WDTC1: variants seen among roughly 807,000 people sequenced by gnomAD.
WDTC1 encodes the protein WD and tetratricopeptide repeats 1.
WDTC1 carries 12 observed loss-of-function variants against 76.0 expected under a neutral mutation model. That is an observed-to-expected ratio of 0.16 (90% CI 0.10 to 0.26). WDTC1 has a LOEUF of 0.26. Among genes scored for constraint, WDTC1 ranks in the 10% least tolerant of loss-of-function variants. The pLI is 1.00. For synonymous variants in WDTC1, 326 were observed against 350.8 expected, an observed-to-expected ratio of 0.93 and a Z score of 0.79; for missense variants, 511 against 908.8, an observed-to-expected ratio of 0.56 and a Z score of 5.63.
chr1:27,279,921 A>G (rs770052953), intron 3 of WDTC1, among the ~76,000 whole-genome samples: 7 of 152,172 alleles, frequency 4.6e-5, no homozygotes, highest in Non-Finnish European at 8.8e-5. Context: ...TTTGGATTTT[A>G]TTTCTGATTC....
intron 1 of WDTC1, among the ~76,000 whole-genome samples, chr1:27,249,826 G>A (rs767610863): frequency 1.3e-5 from 2 of 151,982 alleles, no homozygotes; most frequent in African/African-American, 2.4e-5. Flanking sequence ...ATTCTCCCTC[G>A]GCCTCCCAAA....
chr1:27,248,529 A>G (rs973754748), intron 1 of WDTC1, among the ~76,000 whole-genome samples: 1 of 152,008 alleles, frequency 6.6e-6, no homozygotes, highest in African/African-American at 2.4e-5. Context: ...TAAGTTCCTT[A>G]TAGATGCTGG....
At chr1:27,297,263 C>A in intron 11 of WDTC1, 107 bp downstream of exon 11, 2 of 1,026,806 alleles carry the variant, frequency 1.9e-6, no homozygotes, top group Non-Finnish European at 2.8e-6. Flanking sequence ...CCCACTCATG[C>A]ATCCCAGAGA....
At chr1:27,286,622 C>T (rs1353438602) in intron 5 of WDTC1, among the ~76,000 whole-genome samples, 9 of 151,038 alleles carry the variant, frequency 6.0e-5, no homozygotes, top group African/African-American at 1.2e-4. Context: ...GGCGCACGCC[C>T]GGCTAATTTT....
In WDTC1 at chr1:27,305,779, T is replaced by C. The variant is rs1049643098; in HGVS notation, c.1837-407T>C. Reference sequence around the variant, plus strand: ...GTGACTTTTAAAGAGAGGACCCCTATAGGCTTCCCCATTGAGAGGAGAGGA... The same window carrying C: ...GTGACTTTTAAAGAGAGGACCCCTACAGGCTTCCCCATTGAGAGGAGAGGA... On this transcript the variant is annotated intron_variant, in intron 15 of 15. Transcript: ENST00000319394. This position sits in a 1 kb window ranked among gnomAD's most constrained non-coding sequence, Gnocchi z 4.6. Among the ~76,000 whole-genome samples the C allele has an allele frequency of 6.6e-6, 1 of 152,068 alleles. No homozygotes were observed. The highest frequency in any genetic ancestry group is 2.4e-5 in the African/African-American group (1 of 41,382).
At chr1:27,286,397 C>T (rs1460958780) in intron 5 of WDTC1, among the ~76,000 whole-genome samples, 2 of 151,016 alleles carry the variant, frequency 1.3e-5, no homozygotes, top group Non-Finnish European at 2.9e-5. Flanking sequence ...GAGCTGTTTC[C>T]AATATTTGCT....
intron 1 of WDTC1, among the ~76,000 whole-genome samples, chr1:27,240,980 A>AAAC (rs1280816559): frequency 1.3e-5 from 2 of 151,420 alleles, no homozygotes; most frequent in African/African-American, 4.8e-5. Context: ...CTCAAAAAAA[A>AAAC]AAAACAAAAA....
chr1:27,267,248 T>TC (rs1491196897), intron 3 of WDTC1, among the ~76,000 whole-genome samples: 1 of 151,732 alleles, frequency 6.6e-6, no homozygotes, highest in African/African-American at 2.4e-5. Flanking sequence ...TGGATTACTT[T>TC]CTTTTTTTTT....
At position 27,292,439 on chromosome 1, in the gene WDTC1, C is replaced by T. The variant is rs139409891; in HGVS notation, c.662+42C>T. 119 of 1,481,632 alleles carry T rather than the reference C, an allele frequency of 8.0e-5. No individual in the cohort carries two copies. The East Asian group carries it at 2.8e-3, about 35-fold the overall frequency. The allele number at this position is 1,481,632 out of a possible 1,614,324, so 91.8% of individuals were successfully genotyped here. On this transcript the variant is annotated intron_variant, in intron 7 of 15. Coordinates refer to ENST00000319394, the MANE Select transcript of WDTC1 (RefSeq NM_001276252.2). Reference sequence around the variant, plus strand: ...CTCCTGTCTCCTGTGAGTAAGTCCCCAGAGAACCTACTGCCCCTTTCCCTC... The same window carrying T: ...CTCCTGTCTCCTGTGAGTAAGTCCCTAGAGAACCTACTGCCCCTTTCCCTC...
At chr1:27,289,703 C>T (rs575669478) in intron 6 of WDTC1, among the ~76,000 whole-genome samples, 5,723 of 152,270 alleles carry the variant, frequency 0.038, 144 homozygotes, top group Middle Eastern at 0.1. Flanking sequence ...CCATTGAGCA[C>T]TGAGTGAACG....
chr1:27,299,123 G>T (rs1342773770), intron 12 of WDTC1, among the ~76,000 whole-genome samples: 1 of 152,090 alleles, frequency 6.6e-6, no homozygotes, highest in African/African-American at 2.4e-5. Flanking sequence ...CATCCAGGCT[G>T]TAGGCTAAGA....
At chr1:27,254,603 A>C (rs1366223838) in intron 1 of WDTC1, among the ~76,000 whole-genome samples, 1 of 152,068 alleles carries the variant, frequency 6.6e-6, no homozygotes, top group African/African-American at 2.4e-5. Flanking sequence ...TCAAAAAAAA[A>C]AGAATGCTAA....
rs192320933 is a variant in WDTC1, at chr1:27,302,504, G to T, written c.1468+1043G>T. On this transcript the variant is annotated intron_variant, in intron 13 of 15. Transcript: ENST00000319394. The stretch of plus-strand genomic sequence containing the variant: ...AATCCCAGCACTTTGGGAGGCTGAT[G>T]TGGGAAAATAGCTTGAGCCCAGGAG... Among the ~76,000 whole-genome samples, 606 of 152,250 alleles carry T rather than the reference G, an allele frequency of 4.0e-3. 2 individuals carry two copies. The highest frequency in any genetic ancestry group is 7.0e-3 in the Non-Finnish European group (473 of 68,008).
At chr1:27,238,247 A>G (rs1318878155) in intron 1 of WDTC1, among the ~76,000 whole-genome samples, 1 of 150,500 alleles carries the variant, frequency 6.6e-6, no homozygotes, top group Admixed American at 6.7e-5. Flanking sequence ...GACCAAGGCT[A>G]AGAGCCTGGG....
chr1:27,255,885 CTCT>C, intron 1 of WDTC1, among the ~76,000 whole-genome samples: 1 of 152,158 alleles, frequency 6.6e-6, no homozygotes, highest in East Asian at 1.9e-4. Flanking sequence ...TTTTGAACCA[CTCT>C]TCTTCTGGGG....
At chr1:27,256,527 A>T (rs2012286200) in intron 1 of WDTC1, among the ~76,000 whole-genome samples, 1 of 152,212 alleles carries the variant, frequency 6.6e-6, no homozygotes. Context: ...AATTCGACAA[A>T]TGTCCACTAC....
chr1:27,263,369 A>G, intron 3 of WDTC1, 134 bp downstream of exon 3: 2 of 623,994 alleles, frequency 3.2e-6, no homozygotes, highest in South Asian at 2.5e-5. Context: ...CTTCTCCTTC[A>G]GTAGACAACT....
rs2147998120 is a variant in WDTC1 at position 27,305,317 on chromosome 1, C to T, written c.1836+124C>T. 1.6e-6 allele frequency: 2 copies of T among 1,227,372 alleles called. No homozygotes were observed. The highest frequency in any genetic ancestry group is 2.2e-6 in the Non-Finnish European group (2 of 910,700). The allele number at this position is 1,227,372 out of a possible 1,614,324, so 76.0% of individuals were successfully genotyped here. The stretch of plus-strand genomic sequence containing the variant: ...CTAGAAGCTGCTAAGTAAGCCTTAC[C>T]CCGGGGCCCAAGGCTGTGTTCTCAG... On this transcript the variant is annotated intron_variant, in intron 15 of 15. Coordinates refer to ENST00000319394, the MANE Select transcript of WDTC1 (RefSeq NM_001276252.2). This position sits in a 1 kb window ranked among gnomAD's most constrained non-coding sequence, Gnocchi z 4.6.
chr1:27,247,783 G>T (rs1337500810), intron 1 of WDTC1, among the ~76,000 whole-genome samples: 2 of 148,326 alleles, frequency 1.3e-5, no homozygotes, highest in Non-Finnish European at 3.0e-5. Flanking sequence ...CAATGGCGTA[G>T]TCTCAGCTCA....
Sources: gnomAD v4.1 joint callset for allele counts (sites outside exome capture counted in the v4.1 genomes callset) on GRCh38, gnomAD v4.1.1 for gene constraint, Gnocchi (gnomAD v3.1) non-coding constraint, MANE v1.5 for transcripts, NCBI Gene and HGNC (gene_info 2026-07-23, HGNC 2026-07-21) for gene names.